The following SF3A1 variants were observed in gnomAD, a reference collection of about 807,000 sequenced individuals.
The protein encoded by SF3A1 is splicing factor 3a subunit 1, also known as SAP 114.
A neutral mutation model predicts 89.9 loss-of-function variants in SF3A1; 13 were observed. That is an observed-to-expected ratio of 0.14 (90% confidence interval 0.09 to 0.23). The LOEUF (loss-of-function observed/expected upper bound fraction) is 0.23. Among genes scored for constraint, SF3A1 ranks in the 10% least tolerant of loss-of-function variants. The pLI is 1.00. For synonymous variants in SF3A1, 405 were observed against 374.4 expected, an observed-to-expected ratio of 1.08 and a Z score of -0.94; for missense variants, 604 against 1,022.1, an observed-to-expected ratio of 0.59 and a Z score of 5.58.
In SF3A1 at chr22:30,334,636, G is replaced by T; in HGVS notation, c.2340C>A (p.Val780=). Reference sequence around the variant, plus strand: ...CTCTCTCCTTGAGGGCCAGGTGGATGACTGCGCCATTGGCCATGTTGTAGT... The same window carrying T: ...CTCTCTCCTTGAGGGCCAGGTGGATTACTGCGCCATTGGCCATGTTGTAGT... ...LAYYNMANGA[V]IHLALKERGG... Residue 780 remains valine, a synonymous_variant, in exon 16 of 16, where the codon GTC becomes GTA. Coordinates refer to ENST00000215793, the MANE Select transcript of SF3A1 (RefSeq NM_005877.6). 1 of 1,583,624 alleles carries T rather than the reference G, an allele frequency of 6.3e-7. No individual in the cohort carries two copies. The highest frequency in any genetic ancestry group is 1.2e-5 in the South Asian group (1 of 86,486).
At chr22:30,344,103 T>G (rs1035436749) in intron 4 of SF3A1, among the ~76,000 whole-genome samples, 3 of 152,232 alleles carry the variant, frequency 2.0e-5, no homozygotes, top group African/African-American at 7.2e-5. Flanking sequence ...CTTGTCCTGA[T>G]TCTTGATTGC....
chr22:30,348,413 C>T (rs981824776), intron 2 of SF3A1, among the ~76,000 whole-genome samples: 29 of 152,228 alleles, frequency 1.9e-4, no homozygotes, highest in African/African-American at 6.5e-4. Context: ...GAGGCTGAGG[C>T]GAGAGGATCA....
Position 30,334,498 on chromosome 22 carries a change from G to T in SF3A1, c.*96C>A. The T allele has an allele frequency of 1.4e-6, 1 of 711,634 alleles. No homozygotes were observed. Among genetic ancestry groups the T allele is most frequent in the Non-Finnish European group, 2.3e-6 (1 of 426,038 alleles). 44.1% of individuals were successfully genotyped at this position (711,634 alleles called of 1,614,324 possible). A position where few individuals can be genotyped will look rare whatever the true frequency, so the allele number is the denominator to read the frequency against. On this transcript the variant is annotated 3_prime_UTR_variant, in exon 16 of 16. Transcript: ENST00000215793. ...GAGTAAGAGCGAAACAAATATGCAG[G>T]CAAGGCAAAGCCTCAGGGGGGCTCC...
In SF3A1 at chr22:30,345,422, T is replaced by C. The variant is rs189310015; in HGVS notation, c.394-232A>G. ...TTCCTGAATGGCTGAGTGAGAACCA[T>C]TCCCCTCTGTATCTCTGCTCCTGCC... On this transcript the variant is annotated intron_variant, in intron 3 of 15. Transcript: ENST00000215793. 4.4e-4 allele frequency among the ~76,000 whole-genome samples: 67 copies of C among 152,306 alleles called. 1 individual carries two copies. The highest frequency in any genetic ancestry group is 3.7e-3 in the South Asian group (18 of 4,824).
intron 7 of SF3A1, 120 bp from the exon 8 acceptor site, chr22:30,340,932 T>G (rs117444066): frequency 0.054 from 35,833 of 664,846 alleles, 1,344 homozygotes; most frequent in East Asian, 0.15. Flanking sequence ...GTCCATGTGC[T>G]AAGCCTCCCA....
At chr22:30,350,310 AAATAAAAAAAAT>A (rs1171254493) in intron 2 of SF3A1, among the ~76,000 whole-genome samples, 5 of 149,418 alleles carry the variant, frequency 3.3e-5, no homozygotes, top group East Asian at 1.9e-4. Context: ...AAACTAAAAA[AAATAAAAAAAAT>A]AAAAAAAAAA....
Position 30,334,351 on chromosome 22 carries a change from C to G in SF3A1, c.*243G>C. On this transcript the variant is annotated 3_prime_UTR_variant, in exon 16 of 16. Coordinates refer to ENST00000215793, the MANE Select transcript of SF3A1 (RefSeq NM_005877.6). Reference sequence around the variant, plus strand: ...GGGCTGCTGAAGAAATGAATGTCCTCAAATCGAGACCCTAACACAAAGAGA... The same window carrying G: ...GGGCTGCTGAAGAAATGAATGTCCTGAAATCGAGACCCTAACACAAAGAGA... 2.7e-6 allele frequency: 1 copy of G among 369,514 alleles called. No homozygotes were observed. Among genetic ancestry groups the G allele is most frequent in the Non-Finnish European group, 4.9e-6 (1 of 205,526 alleles). 22.9% of individuals were successfully genotyped at this position (369,514 alleles called of 1,614,324 possible). A position where few individuals can be genotyped will look rare whatever the true frequency, so the allele number is the denominator to read the frequency against.
chr22:30,343,634 A>C (rs1931332027), intron 4 of SF3A1, among the ~76,000 whole-genome samples: 1 of 152,232 alleles, frequency 6.6e-6, no homozygotes, highest in Non-Finnish European at 1.5e-5. Flanking sequence ...GGTAAATGCC[A>C]ATACCCAAGT....
intron 1 of SF3A1, 86 bp downstream of exon 1, chr22:30,356,644 A>T: frequency 9.1e-7 from 1 of 1,094,096 alleles, no homozygotes; most frequent in Non-Finnish European, 1.2e-6. Context: ...CAAGCCCTTC[A>T]TAGCGGCCGG....
intron 13 of SF3A1, 79 bp from the exon 14 acceptor site, chr22:30,335,832 TC>T: frequency 1.7e-6 from 2 of 1,172,946 alleles, no homozygotes; most frequent in Non-Finnish European, 2.6e-6. Context: ...CCTAGGCCTG[TC>T]CAGACAATGT....
intron 9 of SF3A1, 94 bp downstream of exon 9, chr22:30,340,102 T>C (rs527565066): frequency 2.6e-6 from 3 of 1,160,562 alleles, no homozygotes; most frequent in South Asian, 3.7e-5. Flanking sequence ...TCAAAAGCTT[T>C]TGTTGACCTC....
intron 8 of SF3A1, 47 bp downstream of exon 8, chr22:30,340,648 C>T: frequency 8.2e-7 from 1 of 1,212,436 alleles, no homozygotes; most frequent in Non-Finnish European, 1.2e-6. Context: ...TGAGGGCACA[C>T]AGGACTTCCT....
At chr22:30,336,237 G>C (rs942497007) in intron 13 of SF3A1, among the ~76,000 whole-genome samples, 3 of 152,142 alleles carry the variant, frequency 2.0e-5, no homozygotes, top group Non-Finnish European at 2.9e-5. Context: ...AAAACAAACA[G>C]AGCGGGTGCA....
chr22:30,355,211 A>T (rs1016912587), intron 1 of SF3A1, among the ~76,000 whole-genome samples: 1 of 152,110 alleles, frequency 6.6e-6, no homozygotes, highest in African/African-American at 2.4e-5. Context: ...CAGTTTTGCT[A>T]TGTTGGCCAG....
At chr22:30,346,669 T>C (rs1328791856) in intron 2 of SF3A1, 150 bp from the exon 3 acceptor site, 19 of 820,018 alleles carry the variant, frequency 2.3e-5, no homozygotes, top group East Asian at 1.9e-4. Flanking sequence ...CTTCCTGGCA[T>C]TGGCGATCAG....
In SF3A1 at chr22:30,334,210, A is replaced by G. The variant is rs569436772; in HGVS notation, c.*384T>C. ...AGAAGGGTCCGAGTTTTATTAGACAACCCATGTCAAGGTACAAAATGATTA... is the reference window on the plus strand; with the variant it reads ...AGAAGGGTCCGAGTTTTATTAGACAGCCCATGTCAAGGTACAAAATGATTA... On this transcript the variant is annotated 3_prime_UTR_variant, in exon 16 of 16. Coordinates refer to ENST00000215793, the MANE Select transcript of SF3A1 (RefSeq NM_005877.6). 110 of 170,842 alleles carry G rather than the reference A, an allele frequency of 6.4e-4. No individual in the cohort carries two copies. The highest frequency in any genetic ancestry group is 1.2e-3 in the Non-Finnish European group (94 of 80,876). 10.6% of individuals were successfully genotyped at this position (170,842 alleles called of 1,614,324 possible).
chr22:30,355,820 C>G (rs975863968), intron 1 of SF3A1, among the ~76,000 whole-genome samples: 1 of 109,364 alleles, frequency 9.1e-6, no homozygotes, highest in Non-Finnish European at 1.8e-5. Flanking sequence ...CATGTTCCCC[C>G]CCCCCGCCCC....
At chr22:30,336,985 C>T in intron 13 of SF3A1, 41 bp downstream of exon 13, 1 of 1,612,860 alleles carries the variant, frequency 6.2e-7, no homozygotes, top group Non-Finnish European at 8.5e-7. Flanking sequence ...GGGACTGAAC[C>T]CTCCAGCTAG....
At chr22:30,336,431 A>G (rs935299215) in intron 13 of SF3A1, among the ~76,000 whole-genome samples, 1 of 152,224 alleles carries the variant, frequency 6.6e-6, no homozygotes. Context: ...AGGTTGAGGC[A>G]TAACAATCAC....
Sources: gnomAD v4.1 joint callset for allele counts (sites outside exome capture counted in the v4.1 genomes callset) on GRCh38, gnomAD v4.1.1 for gene constraint, MANE v1.5 for transcripts, NCBI Gene and HGNC (gene_info 2026-07-23, HGNC 2026-07-21) for gene names.